The following LONRF1 variants were observed in gnomAD, a reference collection of about 807,000 sequenced individuals.
LONRF1 encodes the protein LON peptidase N-terminal domain and RING finger protein 1.
Under a neutral mutation model 85.8 loss-of-function variants are expected in LONRF1, and 37 were observed. The ratio of observed to expected loss-of-function variants is 0.43; its 90% CI spans 0.33 to 0.57. The LOEUF (loss-of-function observed/expected upper bound fraction) is 0.57. Among genes scored for constraint, LONRF1 ranks in the 20% least tolerant of loss-of-function variants. The probability of loss-of-function intolerance (pLI) is 0.04; values close to 1 mark genes in which losing one functional copy is unlikely to be tolerated. For synonymous variants in LONRF1, 517 were observed against 390.1 expected (o/e 1.33, Z -3.83); for missense variants, 1,036 against 978.0 (o/e 1.06, Z -0.79).
chr8:12,738,224 G>A, intron 3 of LONRF1, 80 bp from the exon 4 acceptor site: 3 of 942,714 alleles, frequency 3.2e-6, no homozygotes, highest in Non-Finnish European at 4.5e-6. Flanking sequence ...ACCTAATAAA[G>A]AATATGTAGA....
chr8:12,752,605 T>A (rs997844627), intron 1 of LONRF1, among the ~76,000 whole-genome samples: 1 of 152,196 alleles, frequency 6.6e-6, no homozygotes, highest in Non-Finnish European at 1.5e-5. Context: ...GTGCAATCTA[T>A]GCAACTTGAA....
At chr8:12,744,921 C>T (rs1469324139) in intron 1 of LONRF1, among the ~76,000 whole-genome samples, 1 of 151,992 alleles carries the variant, frequency 6.6e-6, no homozygotes, top group Non-Finnish European at 1.5e-5. Context: ...GTTCTCACTC[C>T]TTTATATTTG....
intron 1 of LONRF1, among the ~76,000 whole-genome samples, chr8:12,743,700 G>A (rs1326991893): frequency 2.0e-5 from 3 of 151,934 alleles, no homozygotes; most frequent in Non-Finnish European, 4.4e-5. Flanking sequence ...ATAGCCATAC[G>A]TGTAACTATT....
At chr8:12,734,434 A>G (rs1392873944) in intron 7 of LONRF1, among the ~76,000 whole-genome samples, 1 of 152,160 alleles carries the variant, frequency 6.6e-6, no homozygotes, top group Non-Finnish European at 1.5e-5. Flanking sequence ...CAATCCTGTC[A>G]ATCACCAGAG....
chr8:12,730,616 A>G (rs1298449689), intron 8 of LONRF1, among the ~76,000 whole-genome samples: 1 of 151,990 alleles, frequency 6.6e-6, no homozygotes, highest in African/African-American at 2.4e-5. Context: ...TTGTGTCACC[A>G]TGTTTAAATT....
chr8:12,744,833 G>A (rs750797176), intron 1 of LONRF1, among the ~76,000 whole-genome samples: 6 of 152,010 alleles, frequency 3.9e-5, no homozygotes, highest in Non-Finnish European at 7.4e-5. Context: ...TACCTCCAGC[G>A]AGGAGTTCAC....
At chr8:12,736,204 T>A (rs2117270408) in intron 6 of LONRF1, among the ~76,000 whole-genome samples, 1 of 152,296 alleles carries the variant, frequency 6.6e-6, no homozygotes, top group East Asian at 1.9e-4. Context: ...TGAGAAATGT[T>A]ATTTCAAAAC....
chr8:12,724,946 G>C (rs891432662), intron 11 of LONRF1, among the ~76,000 whole-genome samples: 1 of 152,224 alleles, frequency 6.6e-6, no homozygotes, highest in African/African-American at 2.4e-5. Flanking sequence ...ATTACAATGA[G>C]ATCTATTATC....
intron 1 of LONRF1, among the ~76,000 whole-genome samples, chr8:12,747,322 T>A (rs1203928747): frequency 6.6e-6 from 1 of 152,338 alleles, no homozygotes; most frequent in South Asian, 2.1e-4. Context: ...TCATTAGAGA[T>A]CCATGGTTAG....
rs747238196 is a variant in LONRF1 at position 12,751,300 on chromosome 8, T to TTTTTTTGTTTGTTTG, written c.721+3399_721+3400insCAAACAAACAAAAAA. 8.7e-3 allele frequency among the ~76,000 whole-genome samples: 731 copies of TTTTTTTGTTTGTTTG among 83,630 alleles called. 11 individuals are homozygous for TTTTTTTGTTTGTTTG. Among genetic ancestry groups the TTTTTTTGTTTGTTTG allele is most frequent in the Non-Finnish European group, 0.015 (554 of 37,132 alleles). 54.9% of individuals were successfully genotyped at this position (83,630 alleles called of 152,430 possible). ...GGATTATATTTTTATTTTTATGTTT[T>TTTTTTTGTTTGTTTG]TTTTTTTTTTTTTTTTTTTTGAGAC... On this transcript the variant is annotated intron_variant, in intron 1 of 11. Transcript: ENST00000398246.
intron 11 of LONRF1, among the ~76,000 whole-genome samples, chr8:12,724,222 G>C (rs187761681): frequency 2.0e-5 from 3 of 152,252 alleles, no homozygotes; most frequent in South Asian, 4.1e-4. Flanking sequence ...CCGATGAAAG[G>C]CACTCTTGTT....
rs761665701 is a variant in LONRF1 at position 12,743,029 on chromosome 8, C to T, written c.840+135G>A. 1.0e-3 allele frequency: 672 copies of T among 658,718 alleles called. 5 individuals are homozygous for T. The highest frequency in any genetic ancestry group is 2.7e-3 in the Middle Eastern group (7 of 2,554). 40.8% of individuals were successfully genotyped at this position (658,718 alleles called of 1,614,324 possible). A position where few individuals can be genotyped will look rare whatever the true frequency, so the allele number is the denominator to read the frequency against. On this transcript the variant is annotated intron_variant, in intron 2 of 11. Transcript: ENST00000398246. ...AAATGAGCCATTGCACCTAGGTGAA[C>T]CTATATTTCTAGAGCACTAGATATT...
intron 11 of LONRF1, among the ~76,000 whole-genome samples, chr8:12,724,907 C>T (rs1428836057): frequency 1.3e-5 from 2 of 152,174 alleles, no homozygotes; most frequent in African/African-American, 4.8e-5. Context: ...TGTAGACCAA[C>T]CCTTGAAAAC....
chr8:12,729,284 A>G lies in LONRF1; in HGVS notation c.1737T>C (p.Thr579=), dbSNP rs931061414. 6.2e-7 allele frequency: 1 copy of G among 1,614,022 alleles called. No homozygotes were observed. ...CAAATACATGGAGAGGGCAAGGCAC[A>G]GTGGGGTAGGCCATAGTGCAAACAA... ...PIFVCTMAYP[T]VPCPLHVFEP... Residue 579 remains threonine (T), a synonymous_variant, in exon 9 of 12, where the codon ACT becomes ACC. Transcript: ENST00000398246.
intron 1 of LONRF1, chr8:12,753,027 A>AT (rs2117363480): frequency 6.6e-6 from 1 of 152,310 alleles, no homozygotes; most frequent in East Asian, 1.9e-4. Context: ...AAATCACACC[A>AT]TGGTCAGTTA....
In LONRF1 at chr8:12,755,011, G is replaced by A. The variant is rs1311231501; in HGVS notation, c.410C>T (p.Pro137Leu). 1 of 1,492,806 alleles carries A rather than the reference G, an allele frequency of 6.7e-7. No homozygotes were observed. Among genetic ancestry groups the A allele is most frequent in the Non-Finnish European group, 8.9e-7 (1 of 1,128,152 alleles). 92.5% of individuals were successfully genotyped at this position (1,492,806 alleles called of 1,614,324 possible). ...GCGGCGGCAGTAGCTGTGGCCACAG[G>A]GCACGGTCACCGGCTCGCTCAGGAA... ...RGFLSEPVTV[P>L]CGHSYCRRCL... The change falls in exon 1 of 12, where the codon CCC becomes CTC. Residue 137 changes from proline (P) to leucine (L), a missense_variant. Physicochemically the swap from Pro to Leu is moderately conservative, Grantham distance 98 (BLOSUM62 -3). Coordinates refer to ENST00000398246, the MANE Select transcript of LONRF1 (RefSeq NM_152271.5).
chr8:12,739,535 C>T (rs73202639), intron 3 of LONRF1, among the ~76,000 whole-genome samples: 1 of 151,704 alleles, frequency 6.6e-6, no homozygotes, highest in Admixed American at 6.6e-5. Flanking sequence ...GAAATATTCT[C>T]TGTTTTGATT....
intron 1 of LONRF1, among the ~76,000 whole-genome samples, chr8:12,748,924 G>C (rs544682016): frequency 2.6e-5 from 4 of 151,882 alleles, no homozygotes; most frequent in African/African-American, 4.8e-5. Context: ...GAATGTTCAG[G>C]AGTAGGAGTT....
At chr8:12,752,469 T>C (rs566751111) in intron 1 of LONRF1, among the ~76,000 whole-genome samples, 3 of 152,290 alleles carry the variant, frequency 2.0e-5, no homozygotes, top group East Asian at 3.9e-4. Context: ...TTTTCAAGCA[T>C]GGAATTAATG....
Sources: gnomAD v4.1 joint callset for allele counts (sites outside exome capture counted in the v4.1 genomes callset) on GRCh38, gnomAD v4.1.1 for gene constraint, MANE v1.5 for transcripts, NCBI Gene and HGNC (gene_info 2026-07-23, HGNC 2026-07-21) for gene names.